Variants in PRKCD observed in about 807,000 individuals in gnomAD.
PRKCD encodes the protein protein kinase C delta type.
In PRKCD, 20 loss-of-function variants were observed where a neutral mutation model predicts 82.2. The ratio of observed to expected loss-of-function variants is 0.24; its 90% confidence interval spans 0.17 to 0.35. The LOEUF (loss-of-function observed/expected upper bound fraction) is 0.35. PRKCD is among the 10% of genes least tolerant of loss of function. The pLI is 1.00. For synonymous variants in PRKCD, 317 were observed against 337.0 expected, an observed-to-expected ratio of 0.94 and a Z score of 0.65; for missense variants, 607 against 899.0, an observed-to-expected ratio of 0.68 and a Z score of 4.15.
chr3:53,189,388 C>T (rs1047467982), intron 17 of PRKCD, 142 bp downstream of exon 17: 1 of 920,298 alleles, frequency 1.1e-6, no homozygotes, highest in Admixed American at 3.0e-5. Context: ...GGGTATTGCT[C>T]TCTCACCATG....
intron 2 of PRKCD, among the ~76,000 whole-genome samples, chr3:53,177,175 A>AT (rs1445942634): frequency 6.6e-6 from 1 of 152,148 alleles, no homozygotes; most frequent in African/African-American, 2.4e-5. Context: ...TCTGCCACCC[A>AT]TGCTGGAGTG....
rs1443069334 is a variant in PRKCD, at chr3:53,175,199, A to T, written c.-19-3205A>T. 5.9e-5 allele frequency among the ~76,000 whole-genome samples: 9 copies of T among 152,106 alleles called. No individual in the cohort carries two copies. The East Asian group carries it at 1.5e-3, about 26-fold the overall frequency. ...GTGCTCCTGAGTGAGTTGTATGTTC[A>T]TGGAGACCTGGTTTCCCTTTCTGAG... On this transcript the variant is annotated intron_variant, in intron 2 of 18. Coordinates refer to ENST00000330452, the MANE Select transcript of PRKCD (RefSeq NM_006254.4).
Position 53,181,739 on chromosome 3 carries a change from G to C in PRKCD, c.571+7G>C, listed in dbSNP as rs191960852. 1 of 1,614,078 alleles carries C rather than the reference G, an allele frequency of 6.2e-7. No individual in the cohort carries two copies. The highest frequency in any genetic ancestry group is 8.5e-7 in the Non-Finnish European group (1 of 1,180,032). On this transcript the variant is annotated splice_region_variant and intron_variant, in intron 7 of 18. Transcript: ENST00000330452. ...CAAGGCTACAAATGCAGGCGTAAGTGTCTCCACAGGCCAGTTTGTACGTAT... is the reference window on the plus strand; with the variant it reads ...CAAGGCTACAAATGCAGGCGTAAGTCTCTCCACAGGCCAGTTTGTACGTAT...
At position 53,181,683 on chromosome 3, in the gene PRKCD, C is replaced by T. The variant is rs75301864; in HGVS notation, c.540-18C>T. 1.3e-5 allele frequency: 21 copies of T among 1,612,346 alleles called. No homozygotes were observed. Among genetic ancestry groups the T allele is most frequent in the Admixed American group, 1.0e-4 (6 of 59,994 alleles). ...CCCGGTCCCCGCTCACTCACTTTGC[C>T]TGGGTTTTGCCTTTCAGGGGCCTCA... is the stretch of plus-strand genomic sequence containing the variant. On this transcript the variant is annotated intron_variant, in intron 6 of 18. Coordinates refer to ENST00000330452, the MANE Select transcript of PRKCD (RefSeq NM_006254.4).
intron 1 of PRKCD, among the ~76,000 whole-genome samples, chr3:53,164,417 T>C (rs965243514): frequency 6.6e-6 from 1 of 152,164 alleles, no homozygotes; most frequent in Non-Finnish European, 1.5e-5. Context: ...ACCCTGTCTG[T>C]ACCAAAACTA....
At chr3:53,175,661 GC>G (rs2107245140) in intron 2 of PRKCD, among the ~76,000 whole-genome samples, 1 of 152,242 alleles carries the variant, frequency 6.6e-6, no homozygotes, top group African/African-American at 2.4e-5. Flanking sequence ...TTATCCCTGT[GC>G]CCCTGTCCCC....
intron 2 of PRKCD, among the ~76,000 whole-genome samples, chr3:53,177,120 G>A (rs1302334275): frequency 1.3e-5 from 2 of 152,058 alleles, no homozygotes; most frequent in Non-Finnish European, 2.9e-5. Context: ...ATGAGCCACC[G>A]CGCCTAGGCA....
At chr3:53,171,740 C>G (rs2107234583) in intron 2 of PRKCD, among the ~76,000 whole-genome samples, 1 of 152,310 alleles carries the variant, frequency 6.6e-6, no homozygotes, top group South Asian at 2.1e-4. Context: ...GAGGGAACAA[C>G]ATCTGCAAAA....
chr3:53,169,087 G>A lies in PRKCD; in HGVS notation c.-20+3872G>A, dbSNP rs945050331. Among the ~76,000 whole-genome samples, 11 of 152,098 alleles carry A rather than the reference G, an allele frequency of 7.2e-5. No individual in the cohort carries two copies. Among genetic ancestry groups the A allele is most frequent in the African/African-American group, 2.7e-4 (11 of 41,412 alleles). Reference sequence around the variant, plus strand: ...ATTTGAGACTTGAGGACAGGCTGCAGCGGCAGACGGGATGGCCTTATTGTG... The same window carrying A: ...ATTTGAGACTTGAGGACAGGCTGCAACGGCAGACGGGATGGCCTTATTGTG... On this transcript the variant is annotated intron_variant, in intron 2 of 18. Coordinates refer to ENST00000330452, the MANE Select transcript of PRKCD (RefSeq NM_006254.4). The surrounding 1 kb of genome is among the most constrained non-coding windows in gnomAD (Gnocchi z 4.7).
chr3:53,164,690 G>T (rs1702778141), intron 1 of PRKCD, among the ~76,000 whole-genome samples: 1 of 152,162 alleles, frequency 6.6e-6, no homozygotes, highest in Non-Finnish European at 1.5e-5. Context: ...GGGGAGAAGA[G>T]GCTAGTAGTT....
intron 9 of PRKCD, 121 bp from the exon 10 acceptor site, chr3:53,184,753 C>G: frequency 1.5e-6 from 1 of 658,980 alleles, no homozygotes. Flanking sequence ...TTCCTAGAAA[C>G]TGGAACCCAG....
chr3:53,167,789 G>A (rs1553664134), intron 2 of PRKCD, among the ~76,000 whole-genome samples: 1 of 152,180 alleles, frequency 6.6e-6, no homozygotes. Context: ...GTGTTACATG[G>A]CCAGGTGGCT....
intron 16 of PRKCD, 37 bp downstream of exon 16, chr3:53,188,895 G>T (rs923655070): frequency 6.2e-7 from 1 of 1,609,566 alleles, no homozygotes. Context: ...GCTCAGTCAG[G>T]CACCTTGCCT....
Position 53,189,200 on chromosome 3 carries a change from A to G in PRKCD, c.1697A>G (p.His566Arg). Residue 566 changes from histidine to arginine, a missense_variant, in exon 17 of 19, where the codon CAT becomes CGT. Transcript: ENST00000330452. Reference sequence around the variant, plus strand: ...GAGTCCATCCGTGTGGACACGCCACATTATCCCCGCTGGATCACCAAGGAG... The same window carrying G: ...GAGTCCATCCGTGTGGACACGCCACGTTATCCCCGCTGGATCACCAAGGAG... ...LFESIRVDTP[H>R]YPRWITKESK... 1 of 1,592,740 alleles carries G rather than the reference A, an allele frequency of 6.3e-7. No homozygotes were observed. Among genetic ancestry groups the G allele is most frequent in the Non-Finnish European group, 8.6e-7 (1 of 1,167,206 alleles).
At chr3:53,189,352 C>A in intron 17 of PRKCD, 106 bp downstream of exon 17, 1 of 1,225,132 alleles carries the variant, frequency 8.2e-7, no homozygotes, top group Non-Finnish European at 1.1e-6. Flanking sequence ...ATGGCAGCCT[C>A]AGTGGTGCTG....
rs1559623177 is a variant in PRKCD at position 53,179,639 on chromosome 3, G to A, written c.178G>A (p.Asp60Asn). The A allele has an allele frequency of 1.2e-6, 2 of 1,614,140 alleles. No individual in the cohort carries two copies. The highest frequency in any genetic ancestry group is 1.1e-5 in the South Asian group (1 of 91,046). Residue 60 changes from aspartate (D) to asparagine (N), a missense_variant, in exon 4 of 19, where the codon GAT (aspartate) becomes AAT (asparagine). Physicochemically the swap from Asp to Asn is conservative, Grantham distance 23. This residue lies in a region of PRKCD where 161 missense variants were observed against 227.0 expected (regional missense o/e 0.71). Transcript: ENST00000330452. Reference sequence around the variant, plus strand: ...GTATCCTGAGTGGAAGTCGACGTTCGATGCCCACATCTATGAGGGGCGCGT... The same window carrying A: ...GTATCCTGAGTGGAAGTCGACGTTCAATGCCCACATCTATGAGGGGCGCGT... ...TMYPEWKSTF[D>N]AHIYEGRVIQ...
At chr3:53,182,229 G>A (rs559563764) in intron 7 of PRKCD, among the ~76,000 whole-genome samples, 6 of 152,038 alleles carry the variant, frequency 3.9e-5, no homozygotes, top group Non-Finnish European at 8.8e-5. Context: ...AGGGCCTTAG[G>A]CAAAGTTACT....
At chr3:53,185,799 A>G in intron 11 of PRKCD, 99 bp downstream of exon 11, 1 of 1,521,038 alleles carries the variant, frequency 6.6e-7, no homozygotes, top group Non-Finnish European at 9.1e-7. Flanking sequence ...ACATGGAAGG[A>G]ACCACCGGTC....
chr3:53,189,030 G>A, intron 16 of PRKCD, 28 bp from the exon 17 acceptor site: 1 of 1,596,206 alleles, frequency 6.3e-7, no homozygotes, highest in Non-Finnish European at 8.5e-7. Flanking sequence ...CTCAGCTCCT[G>A]CTGACCTGCT....
Sources: gnomAD v4.1 joint callset for allele counts (sites outside exome capture counted in the v4.1 genomes callset) on GRCh38, gnomAD v4.1.1 for gene constraint, gnomAD v4.1.1 regional missense constraint, Gnocchi (gnomAD v3.1) non-coding constraint, MANE v1.5 for transcripts, NCBI Gene and HGNC (gene_info 2026-07-23, HGNC 2026-07-21) for gene names.